AGBL4: variants seen among roughly 807,000 people sequenced by gnomAD.
AGBL4 encodes cytosolic carboxypeptidase 6.
Under a neutral mutation model 66.4 loss-of-function variants are expected in AGBL4, and 58 were observed. The ratio of observed to expected loss-of-function variants is 0.87; its 90% CI spans 0.71 to 1.09. The LOEUF (loss-of-function observed/expected upper bound fraction) is 1.09. Among genes scored for constraint, AGBL4 ranks in the 50% least tolerant of loss-of-function variants. AGBL4 has a pLI of 0.00. For missense variants in AGBL4, 579 were observed against 631.0 expected, an observed-to-expected ratio of 0.92 and a Z score of 0.88; for synonymous variants, 234 against 222.9, an observed-to-expected ratio of 1.05 and a Z score of -0.44.
At chr1:49,515,332 A>T (rs527742995) in intron 3 of AGBL4, among the ~76,000 whole-genome samples, 143 of 152,196 alleles carry the variant, frequency 9.4e-4, no homozygotes, top group South Asian at 7.2e-3. Context: ...TCAAAACCAC[A>T]ATGAGATATC....
intron 4 of AGBL4, among the ~76,000 whole-genome samples, chr1:49,084,280 C>A (rs1196466282): frequency 6.6e-6 from 1 of 152,210 alleles, no homozygotes; most frequent in East Asian, 1.9e-4. Context: ...ATCTTTAGAG[C>A]AGCACCCCAC....
intron 2 of AGBL4, among the ~76,000 whole-genome samples, chr1:49,847,884 G>C (rs4926834): frequency 0.61 from 92,170 of 151,730 alleles, 28,665 homozygotes; most frequent in Non-Finnish European, 0.67. Context: ...TGTATTTTTA[G>C]TACAGACGGG....
intron 3 of AGBL4, among the ~76,000 whole-genome samples, chr1:49,485,076 A>C (rs1647036013): frequency 6.6e-6 from 1 of 151,958 alleles, no homozygotes; most frequent in South Asian, 2.1e-4. Context: ...AGAACTAGAA[A>C]TACCATTTGA....
At chr1:49,452,761 A>G (rs551567949) in intron 3 of AGBL4, among the ~76,000 whole-genome samples, 48 of 151,916 alleles carry the variant, frequency 3.2e-4, no homozygotes, top group African/African-American at 1.1e-3. Context: ...TAGACTAAAG[A>G]TTAGTTCCCA....
intron 3 of AGBL4, among the ~76,000 whole-genome samples, chr1:49,325,180 G>A (rs577806722): frequency 9.9e-5 from 15 of 152,152 alleles, no homozygotes; most frequent in African/African-American, 3.1e-4. Flanking sequence ...CTGCCACCAC[G>A]CCCAGCTAAT....
At chr1:48,883,821 T>G in intron 5 of AGBL4, among the ~76,000 whole-genome samples, 1 of 152,208 alleles carries the variant, frequency 6.6e-6, no homozygotes, top group African/African-American at 2.4e-5. Context: ...GTTTTCTAAA[T>G]TGTCCTTTAT....
At chr1:48,838,509 T>C (rs541562210) in intron 6 of AGBL4, among the ~76,000 whole-genome samples, 37 of 152,256 alleles carry the variant, frequency 2.4e-4, no homozygotes, top group African/African-American at 8.4e-4. Context: ...ACTAGACCCC[T>C]ATCTCTCACC....
intron 3 of AGBL4, among the ~76,000 whole-genome samples, chr1:49,504,706 C>T (rs1189484129): frequency 6.6e-6 from 1 of 151,926 alleles, no homozygotes; most frequent in Non-Finnish European, 1.5e-5. Context: ...CTTTTTTCAT[C>T]CCTTCACTTT....
At chr1:48,672,183 A>G (rs1027479281) in intron 6 of AGBL4, among the ~76,000 whole-genome samples, 3 of 152,224 alleles carry the variant, frequency 2.0e-5, no homozygotes, top group Non-Finnish European at 4.4e-5. Flanking sequence ...AGTAAAGGCA[A>G]GAGTTCAGCC....
intron 5 of AGBL4, among the ~76,000 whole-genome samples, chr1:48,877,213 G>C (rs977693488): frequency 1.3e-5 from 2 of 152,154 alleles, no homozygotes; most frequent in Non-Finnish European, 2.9e-5. Context: ...ACTTGTCAAA[G>C]AAAGCAAGGT....
intron 3 of AGBL4, among the ~76,000 whole-genome samples, chr1:49,514,815 G>T (rs1649626592): frequency 6.6e-6 from 1 of 152,068 alleles, no homozygotes; most frequent in Non-Finnish European, 1.5e-5. Flanking sequence ...AAATGGTGCT[G>T]GGAAAACTGG....
intron 3 of AGBL4, among the ~76,000 whole-genome samples, chr1:49,345,276 T>C (rs575848226): frequency 2.2e-4 from 34 of 152,294 alleles, no homozygotes; most frequent in African/African-American, 8.2e-4. Context: ...TTATAATTGT[T>C]ACGTTAAATT....
At chr1:48,571,131 A>G (rs768188911) in intron 11 of AGBL4, among the ~76,000 whole-genome samples, 44 of 152,224 alleles carry the variant, frequency 2.9e-4, no homozygotes, top group Admixed American at 6.5e-4. Flanking sequence ...CAACCCTGAA[A>G]AGTTTGTACC....
At chr1:49,096,860 G>A (rs1281079417) in intron 4 of AGBL4, among the ~76,000 whole-genome samples, 1 of 151,544 alleles carries the variant, frequency 6.6e-6, no homozygotes, top group Non-Finnish European at 1.5e-5. Flanking sequence ...AAACAGTGAA[G>A]GCAATGCAAA....
chr1:48,664,208 G>A (rs908072476), intron 6 of AGBL4, among the ~76,000 whole-genome samples: 1 of 152,182 alleles, frequency 6.6e-6, no homozygotes, highest in Non-Finnish European at 1.5e-5. Context: ...GCTCCAGAGA[G>A]GGGGAAGCAC....
At chr1:49,661,527 T>A (rs1269037932) in intron 3 of AGBL4, among the ~76,000 whole-genome samples, 4 of 152,158 alleles carry the variant, frequency 2.6e-5, no homozygotes, top group Non-Finnish European at 5.9e-5. Flanking sequence ...ATACACTGAT[T>A]ACCCCTTTGC....
At chr1:48,672,156 G>A (rs1223277283) in intron 6 of AGBL4, among the ~76,000 whole-genome samples, 6 of 152,324 alleles carry the variant, frequency 3.9e-5, no homozygotes, top group South Asian at 2.1e-4. Flanking sequence ...TGACTTCTCC[G>A]TAATGGATTT....
chr1:49,281,507 AGAAG>A (rs780155740), intron 3 of AGBL4, among the ~76,000 whole-genome samples: 26 of 152,212 alleles, frequency 1.7e-4, no homozygotes, highest in Non-Finnish European at 3.1e-4. Context: ...ATGCAGAAGG[AGAAG>A]GAAGGATAGG....
At chr1:48,914,750 C>A (rs564613544) in intron 5 of AGBL4, among the ~76,000 whole-genome samples, 8 of 152,304 alleles carry the variant, frequency 5.3e-5, no homozygotes, top group Admixed American at 2.0e-4. Context: ...AAAAGAGAGA[C>A]TTTGCCTGCA....
Sources: allele counts gnomAD v4.1 joint callset (sites outside exome capture counted in the v4.1 genomes callset), GRCh38; gene constraint gnomAD v4.1.1; transcripts MANE v1.5; gene names NCBI Gene and HGNC (gene_info 2026-07-23, HGNC 2026-07-21).